The following RIC3 variants were observed in gnomAD, a reference collection of about 807,000 sequenced individuals.
The protein encoded by RIC3 is RIC3 acetylcholine receptor chaperone.
RIC3 carries 28 observed loss-of-function variants against 27.3 expected under a neutral mutation model. That is an observed-to-expected ratio of 1.02 (90% CI 0.76 to 1.41). The LOEUF is 1.41. Ranked by LOEUF, RIC3 falls within the 40% of genes most tolerant of loss-of-function variation. The probability of loss-of-function intolerance (pLI) is 0.00; values close to 1 mark genes in which losing one functional copy is unlikely to be tolerated. For missense variants in RIC3, 501 were observed against 444.7 expected, an observed-to-expected ratio of 1.13 and a Z score of -1.14; for synonymous variants, 184 against 160.4, an observed-to-expected ratio of 1.15 and a Z score of -1.11.
chr11:8,131,363 C>G (rs1287925307), intron 4 of RIC3, among the ~76,000 whole-genome samples: 1 of 152,074 alleles, frequency 6.6e-6, no homozygotes, highest in African/African-American at 2.4e-5. Context: ...TTTGGGCAAC[C>G]AAGTGGATGG....
At chr11:8,168,728 C>T (rs1951986542) in intron 1 of RIC3, 138 bp downstream of exon 1, 1 of 1,289,326 alleles carries the variant, frequency 7.8e-7, no homozygotes, top group Non-Finnish European at 1.0e-6. Context: ...CCTTCAACGC[C>T]GTCTCGCCCG....
chr11:8,106,410 T>TCTGGCCTGTGCCTTTCAAGTTTA lies in RIC3; in HGVS notation c.*4265_*4287dup, dbSNP rs1220291344. On this transcript the variant is annotated 3_prime_UTR_variant, in exon 6 of 6. Transcript: ENST00000309737. ...ACATGTGGGTCAACACTGTCCTTCCTCTGGCCTGTGCCTTTCAAGTTTAAG... is the reference window on the plus strand; with the variant it reads ...ACATGTGGGTCAACACTGTCCTTCCTCTGGCCTGTGCCTTTCAAGTTTACTGGCCTGTGCCTTTCAAGTTTAAG... 9.8e-5 allele frequency: 15 copies of TCTGGCCTGTGCCTTTCAAGTTTA among 152,352 alleles called. No homozygotes were observed. The East Asian group carries it at 2.7e-3, about 27-fold the overall frequency. 9.4% of individuals were successfully genotyped at this position (152,352 alleles called of 1,614,324 possible). A position where few individuals can be genotyped will look rare whatever the true frequency, so the allele number is the denominator to read the frequency against.
At chr11:8,098,193 A>G in the RIC3 span, among the ~76,000 whole-genome samples, 1 of 151,326 alleles carries the variant, frequency 6.6e-6, no homozygotes, top group Non-Finnish European at 1.5e-5. Flanking sequence ...AGAGACACAC[A>G]GCAATCTTGG....
At chr11:8,114,998 A>G (rs182895705) in intron 5 of RIC3, among the ~76,000 whole-genome samples, 17 of 152,264 alleles carry the variant, frequency 1.1e-4, no homozygotes, top group African/African-American at 4.1e-4. Flanking sequence ...TTCAAGAAGG[A>G]GGAGACGGAC....
the RIC3 span, chr11:8,097,806 C>T: frequency 1.9e-6 from 3 of 1,613,734 alleles, no homozygotes; most frequent in Non-Finnish European, 2.5e-6. Context: ...GAGGAGGGGA[C>T]AGCTATATCG....
At chr11:8,121,814 G>A (rs1428193920) in intron 5 of RIC3, among the ~76,000 whole-genome samples, 2 of 152,102 alleles carry the variant, frequency 1.3e-5, no homozygotes, top group Non-Finnish European at 2.9e-5. Context: ...TCTCTGATCT[G>A]CAGAAGGTAA....
rs1944683669 is a variant in RIC3, at chr11:8,106,554, C to A, written c.*4144G>T. On this transcript the variant is annotated 3_prime_UTR_variant, in exon 6 of 6. Coordinates refer to ENST00000309737, the MANE Select transcript of RIC3 (RefSeq NM_001206671.4). ...GAAGGGGCTGGTGGTTCCTCAGTAT[C>A]CCCTGTGGGCCTGGCCTTAGGAAGA... The A allele has an allele frequency of 6.6e-6, 1 of 152,262 alleles. No individual in the cohort carries two copies. Among genetic ancestry groups the A allele is most frequent in the African/African-American group, 2.4e-5 (1 of 41,440 alleles). The allele number at this position is 152,262 out of a possible 1,614,324, so 9.4% of individuals were successfully genotyped here.
intron 1 of RIC3, among the ~76,000 whole-genome samples, chr11:8,165,707 T>G (rs749313089): frequency 3.8e-5 from 5 of 132,460 alleles, no homozygotes; most frequent in Non-Finnish European, 8.0e-5. Context: ...TCAAGAAAGC[T>G]GTTATCAAAA....
intron 1 of RIC3, among the ~76,000 whole-genome samples, chr11:8,152,433 C>T (rs1038500744): frequency 1.3e-5 from 2 of 151,988 alleles, no homozygotes; most frequent in Non-Finnish European, 2.9e-5. Flanking sequence ...GGATGAACTC[C>T]GAAAATATTA....
intron 1 of RIC3, among the ~76,000 whole-genome samples, chr11:8,144,525 A>C (rs1202541099): frequency 1.4e-5 from 2 of 148,116 alleles, no homozygotes; most frequent in African/African-American, 5.0e-5. Flanking sequence ...AAAAGTCAGG[A>C]AACAACAGGT....
At chr11:8,130,946 G>A (rs766887926) in intron 4 of RIC3, among the ~76,000 whole-genome samples, 51 of 152,040 alleles carry the variant, frequency 3.4e-4, no homozygotes, top group Non-Finnish European at 5.7e-4. Context: ...CGTAAGCTAC[G>A]TTAAAGATTC....
At chr11:8,095,144 A>G in the RIC3 span, among the ~76,000 whole-genome samples, 18 of 152,306 alleles carry the variant, frequency 1.2e-4, no homozygotes, top group Non-Finnish European at 2.2e-4. Context: ...GTGTCCATGA[A>G]TGATTGCTGG....
intron 5 of RIC3, among the ~76,000 whole-genome samples, chr11:8,119,426 CA>C (rs1442959554): frequency 2.6e-5 from 4 of 152,222 alleles, no homozygotes; most frequent in Admixed American, 1.3e-4. Context: ...ACAAACCTGA[CA>C]AAAACAAGAA....
At chr11:8,101,484 A>T, downstream of RIC3, 2 of 1,614,104 alleles carry the variant, frequency 1.2e-6, no homozygotes, top group Non-Finnish European at 1.7e-6. Flanking sequence ...GCTTGGCCCC[A>T]GCGGACTACA....
downstream of RIC3, chr11:8,101,852 CCA>C: frequency 2.4e-6 from 1 of 423,656 alleles, no homozygotes; most frequent in South Asian, 9.4e-5. Context: ...ATAATTCTTT[CCA>C]TGCCACGAGA....
intron 1 of RIC3, among the ~76,000 whole-genome samples, chr11:8,143,827 A>G (rs1949345402): frequency 6.6e-6 from 1 of 152,332 alleles, no homozygotes; most frequent in African/African-American, 2.4e-5. Flanking sequence ...GTACCAAAAC[A>G]GAGATATAGA....
At chr11:8,158,444 T>C (rs1950871076) in intron 1 of RIC3, among the ~76,000 whole-genome samples, 1 of 152,030 alleles carries the variant, frequency 6.6e-6, no homozygotes, top group Admixed American at 6.6e-5. Flanking sequence ...TGAAGCCACC[T>C]CCAACACAGA....
intron 4 of RIC3, among the ~76,000 whole-genome samples, chr11:8,129,717 T>C (rs1947456122): frequency 6.6e-6 from 1 of 152,214 alleles, no homozygotes; most frequent in East Asian, 1.9e-4. Flanking sequence ...GTTAATACCA[T>C]TCATGGTTAG....
At chr11:8,127,938 A>T (rs957493655) in intron 4 of RIC3, among the ~76,000 whole-genome samples, 5 of 152,224 alleles carry the variant, frequency 3.3e-5, no homozygotes, top group Non-Finnish European at 7.4e-5. Context: ...GAGGAAAATG[A>T]ACATTACCAG....
Sources: allele counts gnomAD v4.1 joint callset (sites outside exome capture counted in the v4.1 genomes callset), GRCh38; gene constraint gnomAD v4.1.1; transcripts MANE v1.5; gene names NCBI Gene and HGNC (gene_info 2026-07-23, HGNC 2026-07-21).